Variants in PJA2 observed in about 807,000 individuals in gnomAD.
The protein encoded by PJA2 is E3 ubiquitin-protein ligase Praja-2.
Under a neutral mutation model 69.3 loss-of-function variants are expected in PJA2, and 25 were observed. That is an observed-to-expected ratio of 0.36 (90% CI 0.26 to 0.50). The LOEUF (loss-of-function observed/expected upper bound fraction) is 0.50. Among genes scored for constraint, PJA2 ranks in the 20% least tolerant of loss-of-function variants. The probability of loss-of-function intolerance (pLI) is 0.96; values close to 1 mark genes in which losing one functional copy is unlikely to be tolerated. For synonymous variants in PJA2, 308 were observed against 277.8 expected (o/e 1.11, Z -1.08); for missense variants, 809 against 830.2 (o/e 0.97, Z 0.31).
At chr5:109,388,425 C>G (rs765567144) in intron 1 of PJA2, among the ~76,000 whole-genome samples, 14 of 152,190 alleles carry the variant, frequency 9.2e-5, no homozygotes, top group Non-Finnish European at 1.8e-4. Flanking sequence ...TTCGAACCCA[C>G]TGGGACTATG....
At chr5:109,383,719 G>A (rs1485777716) in intron 1 of PJA2, among the ~76,000 whole-genome samples, 199 bp from the exon 2 acceptor site, 2 of 152,174 alleles carry the variant, frequency 1.3e-5, no homozygotes, top group African/African-American at 4.8e-5. Context: ...ATCAGTTTGA[G>A]CTCAGGAATT....
intron 5 of PJA2, among the ~76,000 whole-genome samples, chr5:109,368,007 A>G (rs1161974436): frequency 1.3e-5 from 2 of 152,226 alleles, no homozygotes; most frequent in African/African-American, 4.8e-5. Flanking sequence ...TAGCTGCAAC[A>G]AAGACTGGAC....
At chr5:109,345,195 A>C (rs1762153132) in intron 7 of PJA2, among the ~76,000 whole-genome samples, 3 of 151,436 alleles carry the variant, frequency 2.0e-5, no homozygotes, top group Admixed American at 6.6e-5. Context: ...AAAAAAAAAA[A>C]AAAAAACAAA....
chr5:109,358,291 G>A (rs918439521), intron 6 of PJA2, among the ~76,000 whole-genome samples: 7 of 152,210 alleles, frequency 4.6e-5, no homozygotes, highest in African/African-American at 1.7e-4. Flanking sequence ...TGCTTCTGCT[G>A]CAGATAACTG....
chr5:109,405,638 A>G (rs577467475), intron 1 of PJA2, among the ~76,000 whole-genome samples: 1 of 152,328 alleles, frequency 6.6e-6, no homozygotes, highest in South Asian at 2.1e-4. Context: ...TTCAATGGGG[A>G]AAGGAAAGTA....
chr5:109,354,931 A>G (rs1174772564), intron 7 of PJA2, among the ~76,000 whole-genome samples: 1 of 151,832 alleles, frequency 6.6e-6, no homozygotes, highest in African/African-American at 2.4e-5. Flanking sequence ...CCTGGGTAAC[A>G]TAATTGGACC....
At chr5:109,362,543 G>C (rs1417296778) in intron 6 of PJA2, among the ~76,000 whole-genome samples, 1 of 152,032 alleles carries the variant, frequency 6.6e-6, no homozygotes, top group East Asian at 1.9e-4. Flanking sequence ...AAGTGATAGA[G>C]GGCATATAAA....
intron 1 of PJA2, among the ~76,000 whole-genome samples, chr5:109,401,689 A>T (rs1747555335): frequency 6.6e-6 from 1 of 152,262 alleles, no homozygotes; most frequent in African/African-American, 2.4e-5. Context: ...TTTGTGAAAC[A>T]ATCTTTGGAA....
In PJA2 at chr5:109,381,581, G is replaced by C. The variant is rs1472787739; in HGVS notation, c.154C>G (p.His52Asp). 6.2e-7 allele frequency: 1 copy of C among 1,613,876 alleles called. No homozygotes were observed. Among genetic ancestry groups the C allele is most frequent in the Admixed American group, 1.7e-5 (1 of 60,004 alleles). Reference sequence around the variant, plus strand: ...CCAGCCCGACCTAAGCTTCTTTCATGTCTGGTCATACATGGTTTAAAACTG... The same window carrying C: ...CCAGCCCGACCTAAGCTTCTTTCATCTCTGGTCATACATGGTTTAAAACTG... The part of the protein sequence containing the change: ...YVSFKPCMTR[H>D]ERSLGRAGDD... The change falls in exon 3 of 10, where the codon CAT (histidine) becomes GAT (aspartate). Residue 52 changes from histidine to aspartate, a missense_variant. Physicochemically the swap from His to Asp is moderately conservative, Grantham distance 81. Transcript: ENST00000361189.
intron 9 of PJA2, among the ~76,000 whole-genome samples, chr5:109,341,548 T>TGA (rs1762058194): frequency 1.9e-5 from 1 of 51,408 alleles, no homozygotes; most frequent in African/African-American, 6.8e-5. Context: ...GGGAGGGAGG[T>TGA]GGGGGGGGGT....
intron 7 of PJA2, among the ~76,000 whole-genome samples, chr5:109,347,074 A>T (rs1762182771): frequency 6.6e-6 from 1 of 152,220 alleles, no homozygotes; most frequent in Non-Finnish European, 1.5e-5. Context: ...CAAAATCAGG[A>T]CTAAAAAAGG....
In PJA2 at chr5:109,380,169, C is replaced by T. The variant is rs185423911; in HGVS notation, c.233-915G>A. Among the ~76,000 whole-genome samples the T allele has an allele frequency of 5.0e-5, 7 of 140,044 alleles. No individual in the cohort carries two copies. The East Asian group carries it at 1.5e-3, about 29-fold the overall frequency. 91.9% of individuals were successfully genotyped at this position (140,044 alleles called of 152,430 possible). On this transcript the variant is annotated intron_variant, in intron 3 of 9. Coordinates refer to ENST00000361189, the MANE Select transcript of PJA2 (RefSeq NM_014819.5). The stretch of plus-strand genomic sequence containing the variant: ...AGTGCAGTGGCATGATCTCGGCTCA[C>T]TGCAAGCTCCGCCTCCCAGGTTCAC...
intron 2 of PJA2, among the ~76,000 whole-genome samples, chr5:109,382,402 C>T (rs748276389): frequency 2.0e-5 from 3 of 152,120 alleles, no homozygotes; most frequent in African/African-American, 4.8e-5. Context: ...GAGGGGTATA[C>T]AGTAGTAAAC....
chr5:109,356,594 T>G (rs1554053772), intron 6 of PJA2, among the ~76,000 whole-genome samples: 1 of 152,146 alleles, frequency 6.6e-6, no homozygotes, highest in Non-Finnish European at 1.5e-5. Flanking sequence ...ATTTCCCACA[T>G]ATTTCTCCTG....
chr5:109,364,639 A>T (rs1037726227), intron 5 of PJA2, among the ~76,000 whole-genome samples: 1 of 151,794 alleles, frequency 6.6e-6, no homozygotes, highest in Non-Finnish European at 1.5e-5. Flanking sequence ...AAAAAAAAAA[A>T]AATTTCAGTG....
At chr5:109,346,017 G>T (rs1290853664) in intron 7 of PJA2, among the ~76,000 whole-genome samples, 3 of 152,122 alleles carry the variant, frequency 2.0e-5, no homozygotes, top group African/African-American at 4.8e-5. Flanking sequence ...TGCTTCCCCT[G>T]CCTGGTGCTT....
intron 1 of PJA2, among the ~76,000 whole-genome samples, chr5:109,385,446 G>A (rs1000179750): frequency 1.3e-5 from 2 of 152,156 alleles, no homozygotes; most frequent in African/African-American, 4.8e-5. Context: ...TGGGAAAAAT[G>A]GAGTAAATTT....
chr5:109,352,451 TC>T (rs1214101643), intron 7 of PJA2, among the ~76,000 whole-genome samples: 15 of 152,146 alleles, frequency 9.9e-5, no homozygotes, highest in African/African-American at 1.4e-4. Flanking sequence ...AAATGAGTGA[TC>T]CTTAATCTTT....
chr5:109,380,687 C>A (rs887939750), intron 3 of PJA2, among the ~76,000 whole-genome samples: 2 of 151,666 alleles, frequency 1.3e-5, no homozygotes, highest in African/African-American at 4.8e-5. Context: ...TGCCTGTAGT[C>A]CCAGCTACTT....
Sources: allele counts gnomAD v4.1 joint callset (sites outside exome capture counted in the v4.1 genomes callset), GRCh38; gene constraint gnomAD v4.1.1; transcripts MANE v1.5; gene names NCBI Gene and HGNC (gene_info 2026-07-23, HGNC 2026-07-21).